DDIAS: variants seen among roughly 807,000 people sequenced by gnomAD.
The protein encoded by DDIAS is DNA damage induced apoptosis suppressor.
A neutral mutation model predicts 15.7 loss-of-function variants in DDIAS; 14 were observed. The ratio of observed to expected loss-of-function variants is 0.89; its 90% confidence interval spans 0.59 to 1.39. The LOEUF (loss-of-function observed/expected upper bound fraction) is 1.39. Ranked by LOEUF, DDIAS falls within the 40% of genes most tolerant of loss-of-function variation. The pLI, the probability that DDIAS is intolerant of heterozygous loss-of-function variation, is 0.00. For synonymous variants in DDIAS, 355 were observed against 395.9 expected, an observed-to-expected ratio of 0.90 and a Z score of 1.23; for missense variants, 1,035 against 1,130.9, an observed-to-expected ratio of 0.92 and a Z score of 1.22.
intron 5 of DDIAS, 30 bp downstream of exon 5, chr11:82,930,304 T>A (rs368470244): frequency 7.2e-7 from 1 of 1,381,626 alleles, no homozygotes; most frequent in Non-Finnish European, 1.0e-6. Context: ...TTTTTAATAA[T>A]CTGTTAACAT....
intron 3 of DDIAS, among the ~76,000 whole-genome samples, chr11:82,923,511 C>A (rs1482157070): frequency 1.3e-5 from 2 of 152,148 alleles, no homozygotes; most frequent in Admixed American, 6.5e-5. Context: ...TGACTATAAT[C>A]ATAATAAGTA....
In DDIAS at chr11:82,933,398, T is replaced by C. The variant is rs1378996653; in HGVS notation, c.2060T>C (p.Met687Thr). The change falls in exon 6 of 6, where the codon ATG (methionine) becomes ACG (threonine). Residue 687 changes from methionine (M) to threonine (T), a missense_variant. Met to Thr is a moderately conservative substitution (Grantham distance 81, BLOSUM62 -1). Coordinates refer to ENST00000533655, the MANE Select transcript of DDIAS (RefSeq NM_145018.4). ...CTCTTTGATGATATTGCTAAAGAAA[T>C]GGACATTGCAACTGAGATTACCAAA... is the stretch of plus-strand genomic sequence containing the variant. ...ADLFDDIAKE[M>T]DIATEITKKS... 3 of 1,613,960 alleles carry C rather than the reference T, an allele frequency of 1.9e-6. No individual in the cohort carries two copies. Among genetic ancestry groups the C allele is most frequent in the South Asian group, 1.1e-5 (1 of 91,070 alleles).
chr11:82,908,633 A>T (rs1331062497), intron 1 of DDIAS, among the ~76,000 whole-genome samples: 1 of 152,226 alleles, frequency 6.6e-6, no homozygotes, highest in Non-Finnish European at 1.5e-5. Context: ...AGAGTCATTT[A>T]TACTTAAAGT....
At chr11:82,910,606 CTT>C (rs869173859) in intron 1 of DDIAS, among the ~76,000 whole-genome samples, 18 of 89,106 alleles carry the variant, frequency 2.0e-4, no homozygotes, top group Admixed American at 4.1e-4. Flanking sequence ...CTCTCTCTCT[CTT>C]TTTTTTTTTT....
At chr11:82,931,128 T>G (rs566939639) in intron 5 of DDIAS, among the ~76,000 whole-genome samples, 1 of 152,332 alleles carries the variant, frequency 6.6e-6, no homozygotes, top group Non-Finnish European at 1.5e-5. Flanking sequence ...ATTTTTATTT[T>G]TATTTTATAA....
intron 3 of DDIAS, among the ~76,000 whole-genome samples, chr11:82,919,251 T>C (rs11537253): frequency 0.13 from 19,989 of 152,238 alleles, 1,384 homozygotes; most frequent in Middle Eastern, 0.19. Flanking sequence ...ATGGCTTTTA[T>C]TACATTGAGG....
Position 82,932,689 on chromosome 11 carries a change from AT to A in DDIAS, c.1353del (p.Ile451MetfsTer13). On this transcript the variant is annotated frameshift_variant, in exon 6 of 6. Coordinates refer to ENST00000533655, the MANE Select transcript of DDIAS (RefSeq NM_145018.4). LOFTEE classifies it low-confidence loss of function (END_TRUNC). Reference protein sequence around the residue: ...SSRKHHVDNDIDKFHADHSRL... With the variant: ...SSRKHHVDNDXDKFHADHSRL... Reference sequence around the variant, plus strand: ...TAGGAAACATCATGTAGATAATGACATTGATAAATTTCATGCAGACCACAGC... The same window carrying A: ...TAGGAAACATCATGTAGATAATGACATGATAAATTTCATGCAGACCACAGC... The A allele has an allele frequency of 6.2e-7, 1 of 1,614,094 alleles. No homozygotes were observed. The highest frequency in any genetic ancestry group is 8.5e-7 in the Non-Finnish European group (1 of 1,180,032).
chr11:82,919,559 C>CT (rs774653215), intron 3 of DDIAS, among the ~76,000 whole-genome samples: 38 of 152,254 alleles, frequency 2.5e-4, no homozygotes, highest in South Asian at 4.1e-4. Context: ...CAGTAGTTTT[C>CT]TTTTTTGCTT....
intron 3 of DDIAS, among the ~76,000 whole-genome samples, chr11:82,926,002 T>G (rs1462618424): frequency 6.6e-6 from 1 of 151,602 alleles, no homozygotes; most frequent in African/African-American, 2.4e-5. Flanking sequence ...AAAAAAAAAT[T>G]TTGACTATGG....
chr11:82,925,882 G>T lies in DDIAS; in HGVS notation c.114-2895G>T, dbSNP rs189285615. 8.4e-3 allele frequency among the ~76,000 whole-genome samples: 1,278 copies of T among 151,870 alleles called. 18 individuals carry two copies. Among genetic ancestry groups the T allele is most frequent in the African/African-American group, 0.03 (1,224 of 41,398 alleles). On this transcript the variant is annotated intron_variant, in intron 3 of 5. Coordinates refer to ENST00000533655, the MANE Select transcript of DDIAS (RefSeq NM_145018.4). ...GGGCACCTGTAGTCCCAGCTAATCG[G>T]GAGGCTGAGGCAGGAGAATCGCCTG...
chr11:82,909,895 T>C (rs1326534438), intron 1 of DDIAS, among the ~76,000 whole-genome samples: 1 of 152,234 alleles, frequency 6.6e-6, no homozygotes, highest in Non-Finnish European at 1.5e-5. Context: ...CATCTGTAAA[T>C]TTCCATCTTA....
At chr11:82,926,568 G>A (rs565688851) in intron 3 of DDIAS, among the ~76,000 whole-genome samples, 1 of 152,278 alleles carries the variant, frequency 6.6e-6, no homozygotes, top group African/African-American at 2.4e-5. Context: ...AATCGGGACG[G>A]TGATGTGAAT....
At chr11:82,917,268 C>T (rs983916734) in intron 3 of DDIAS, among the ~76,000 whole-genome samples, 1 of 152,062 alleles carries the variant, frequency 6.6e-6, no homozygotes, top group South Asian at 2.1e-4. Context: ...ATACACTGCA[C>T]CCTATTTGTA....
chr11:82,910,742 A>G (rs1860518109), intron 1 of DDIAS, among the ~76,000 whole-genome samples: 1 of 151,368 alleles, frequency 6.6e-6, no homozygotes, highest in African/African-American at 2.4e-5. Flanking sequence ...CAGCCTCCCA[A>G]GTAGCTGGGA....
At chr11:82,922,174 A>T (rs1368267048) in intron 3 of DDIAS, among the ~76,000 whole-genome samples, 7 of 152,182 alleles carry the variant, frequency 4.6e-5, no homozygotes, top group South Asian at 2.1e-4. Context: ...AGATAACCTG[A>T]TGACAGTGTG....
At chr11:82,904,878 A>G (rs11233368) in intron 1 of DDIAS, among the ~76,000 whole-genome samples, 19,887 of 152,234 alleles carry the variant, frequency 0.13, 1,375 homozygotes, top group Middle Eastern at 0.19. Context: ...GATTCACCAA[A>G]CAGCTCTTCT....
chr11:82,905,146 C>G (rs1341783205), intron 1 of DDIAS, among the ~76,000 whole-genome samples: 4 of 152,148 alleles, frequency 2.6e-5, no homozygotes, highest in African/African-American at 9.7e-5. Context: ...AAGCATAAGT[C>G]TATTGGAGCC....
At chr11:82,926,866 AAT>A (rs948855188) in intron 3 of DDIAS, among the ~76,000 whole-genome samples, 4 of 152,318 alleles carry the variant, frequency 2.6e-5, no homozygotes, top group African/African-American at 7.2e-5. Context: ...ACTTTATAAA[AAT>A]ATATATAGTT....
At chr11:82,914,696 C>T in intron 2 of DDIAS, 27 bp from the exon 3 acceptor site, 1 of 1,196,614 alleles carries the variant, frequency 8.4e-7, no homozygotes, top group Non-Finnish European at 1.2e-6. Context: ...ATTTGCCAGT[C>T]ATCCCAATGG....
Sources: allele counts gnomAD v4.1 joint callset (sites outside exome capture counted in the v4.1 genomes callset), GRCh38; gene constraint gnomAD v4.1.1; transcripts MANE v1.5; gene names NCBI Gene and HGNC (gene_info 2026-07-23, HGNC 2026-07-21).